Variants in FSTL5 observed in about 807,000 individuals in gnomAD.
The protein encoded by FSTL5 is follistatin-related protein 5.
Under a neutral mutation model 89.1 loss-of-function variants are expected in FSTL5, and 62 were observed. The ratio of observed to expected loss-of-function variants is 0.70; its 90% CI spans 0.57 to 0.86. The LOEUF is 0.86. Ranked by LOEUF, FSTL5 falls within the 40% of genes least tolerant of loss-of-function variation. FSTL5 has a pLI of 0.00. For synonymous variants in FSTL5, 383 were observed against 346.2 expected (o/e 1.11, Z -1.18); for missense variants, 1,057 against 1,001.6 (o/e 1.06, Z -0.75).
intron 6 of FSTL5, among the ~76,000 whole-genome samples, chr4:161,696,851 A>T (rs1738187803): frequency 6.6e-6 from 1 of 152,166 alleles, no homozygotes; most frequent in Non-Finnish European, 1.5e-5. Context: ...AGCTTTAAGG[A>T]GGAGTCTTTA....
chr4:161,526,593 G>T (rs964841123), intron 10 of FSTL5, among the ~76,000 whole-genome samples: 2 of 152,254 alleles, frequency 1.3e-5, no homozygotes, highest in East Asian at 3.9e-4. Flanking sequence ...TAACGTTTAA[G>T]TCTTTAATCC....
chr4:161,563,498 A>G (rs1038423881), intron 8 of FSTL5, among the ~76,000 whole-genome samples: 1 of 151,956 alleles, frequency 6.6e-6, no homozygotes, highest in Non-Finnish European at 1.5e-5. Context: ...TTGTACTTCA[A>G]AGTTGGCTCT....
chr4:161,807,873 T>A (rs1184443478), intron 4 of FSTL5, among the ~76,000 whole-genome samples: 2 of 152,116 alleles, frequency 1.3e-5, no homozygotes, highest in Non-Finnish European at 2.9e-5. Flanking sequence ...AAATAGTGTT[T>A]GAAGTCCTAA....
chr4:161,862,717 A>G (rs779013308), intron 4 of FSTL5, among the ~76,000 whole-genome samples: 1 of 152,114 alleles, frequency 6.6e-6, no homozygotes, highest in Non-Finnish European at 1.5e-5. Flanking sequence ...GGTGACAGAG[A>G]GAGACTCCAT....
At chr4:162,095,907 A>C (rs1288658552) in intron 2 of FSTL5, among the ~76,000 whole-genome samples, 1 of 151,960 alleles carries the variant, frequency 6.6e-6, no homozygotes, top group Non-Finnish European at 1.5e-5. Flanking sequence ...GTACATTAGA[A>C]AAATATATCT....
At chr4:162,033,725 G>T in intron 2 of FSTL5, 67 bp from the exon 3 acceptor site, 2 of 859,602 alleles carry the variant, frequency 2.3e-6, no homozygotes, top group Non-Finnish European at 3.7e-6. Flanking sequence ...TTCATATAAA[G>T]TTTCACTATA....
At chr4:161,869,136 G>A (rs893370134) in intron 4 of FSTL5, among the ~76,000 whole-genome samples, 1 of 151,180 alleles carries the variant, frequency 6.6e-6, no homozygotes, top group Non-Finnish European at 1.5e-5. Flanking sequence ...AGAGGCGGAG[G>A]TTGCAGTGAG....
At chr4:161,697,123 C>T (rs910904390) in intron 6 of FSTL5, among the ~76,000 whole-genome samples, 2 of 152,202 alleles carry the variant, frequency 1.3e-5, no homozygotes, top group Non-Finnish European at 2.9e-5. Context: ...GCACAAAGTG[C>T]TGTTGCCCAC....
intron 10 of FSTL5, among the ~76,000 whole-genome samples, chr4:161,512,420 A>G (rs7685844): frequency 0.19 from 29,473 of 152,046 alleles, 3,107 homozygotes; most frequent in East Asian, 0.37. Context: ...GTGTGTTATA[A>G]AGAGAAAAAC....
chr4:161,730,368 T>C (rs1739564743), intron 6 of FSTL5, among the ~76,000 whole-genome samples: 1 of 152,162 alleles, frequency 6.6e-6, no homozygotes, highest in African/African-American at 2.4e-5. Flanking sequence ...AAATATGAAA[T>C]AGGAAGTATT....
chr4:161,830,254 A>G (rs1026555897), intron 4 of FSTL5, among the ~76,000 whole-genome samples: 2 of 152,018 alleles, frequency 1.3e-5, no homozygotes, highest in African/African-American at 4.8e-5. Flanking sequence ...TAAAGAGGGT[A>G]CATTTCAACA....
chr4:162,096,930 A>C (rs1730785175), intron 2 of FSTL5, among the ~76,000 whole-genome samples: 1 of 151,954 alleles, frequency 6.6e-6, no homozygotes, highest in East Asian at 1.9e-4. Context: ...GAAATGTAGA[A>C]CTCAGTAGGA....
intron 6 of FSTL5, among the ~76,000 whole-genome samples, chr4:161,697,634 A>G (rs1340647314): frequency 1.3e-5 from 2 of 152,188 alleles, no homozygotes; most frequent in Non-Finnish European, 1.5e-5. Flanking sequence ...TAATAAAGAA[A>G]TTGTGGTATC....
intron 10 of FSTL5, among the ~76,000 whole-genome samples, chr4:161,519,534 A>G (rs1054449365): frequency 6.6e-6 from 1 of 152,246 alleles, no homozygotes; most frequent in African/African-American, 2.4e-5. Context: ...TCAAAACAAA[A>G]CAAAACAAAA....
At chr4:161,455,413 AC>A (rs1405894583) in intron 14 of FSTL5, among the ~76,000 whole-genome samples, 2 of 152,176 alleles carry the variant, frequency 1.3e-5, no homozygotes, top group African/African-American at 4.8e-5. Context: ...CTTCTTCATT[AC>A]AAAAATCCTA....
At chr4:161,997,601 CTT>C (rs60978465) in intron 3 of FSTL5, among the ~76,000 whole-genome samples, 16 of 129,312 alleles carry the variant, frequency 1.2e-4, no homozygotes, top group Admixed American at 5.7e-4. Context: ...TACATGTTAT[CTT>C]TTTTTTTTTT....
At chr4:161,389,262 A>AT (rs1335875894) in intron 15 of FSTL5, among the ~76,000 whole-genome samples, 1 of 152,148 alleles carries the variant, frequency 6.6e-6, no homozygotes, top group African/African-American at 2.4e-5. Context: ...ATTTGTCAGA[A>AT]TGTGTACAGA....
intron 5 of FSTL5, among the ~76,000 whole-genome samples, chr4:161,766,194 C>T (rs755710958): frequency 6.6e-6 from 1 of 152,132 alleles, no homozygotes; most frequent in Non-Finnish European, 1.5e-5. Flanking sequence ...TATCTAAATT[C>T]AGAATCACAA....
At chr4:161,723,906 T>G (rs6854992) in intron 6 of FSTL5, among the ~76,000 whole-genome samples, 53,703 of 151,902 alleles carry the variant, frequency 0.35, 10,347 homozygotes, top group Middle Eastern at 0.54. Flanking sequence ...CAAAAAAAAT[T>G]TGCTGTTTGG....
Sources: gnomAD v4.1 joint callset for allele counts (sites outside exome capture counted in the v4.1 genomes callset) on GRCh38, gnomAD v4.1.1 for gene constraint, MANE v1.5 for transcripts, NCBI Gene and HGNC (gene_info 2026-07-23, HGNC 2026-07-21) for gene names.